FUBP1: variants seen among roughly 807,000 people sequenced by gnomAD.
The protein encoded by FUBP1 is far upstream element binding protein 1, also known as far upstream element-binding protein 1.
FUBP1 carries 16 observed loss-of-function variants against 94.9 expected under a neutral mutation model. The observed-to-expected ratio is 0.17, with a 90% CI of 0.11 to 0.26. The LOEUF (loss-of-function observed/expected upper bound fraction) is 0.26. Ranked by LOEUF, FUBP1 falls within the 10% of genes least tolerant of loss-of-function variation. FUBP1 has a pLI of 1.00. For synonymous variants in FUBP1, 279 were observed against 254.9 expected (o/e 1.09, Z -0.90); for missense variants, 583 against 808.6 (o/e 0.72, Z 3.38).
chr1:77,949,450 C>T (rs1652925717), intron 18 of FUBP1, 150 bp from the exon 19 acceptor site: 4 of 597,630 alleles, frequency 6.7e-6, no homozygotes, highest in Non-Finnish European at 1.2e-5. Flanking sequence ...AAAAAAACCC[C>T]TAAACTTTAA....
In FUBP1 at chr1:77,964,088, T is replaced by C. The variant is rs1295844086; in HGVS notation, c.1015A>G (p.Ile339Val). 1 of 1,596,312 alleles carries C rather than the reference T, an allele frequency of 6.3e-7. No homozygotes were observed. Among genetic ancestry groups the C allele is most frequent in the South Asian group, 1.1e-5 (1 of 90,712 alleles). ...TGAACACTTCGAAGAAGGTCTGTAA[T>C]AATTTCTGCAGCATGTTGACATCGG... ...PDRCQHAAEIITDLLRSVQAG... is the reference protein window; with the variant it reads ...PDRCQHAAEIVTDLLRSVQAG... Residue 339 changes from isoleucine to valine, a missense_variant, in exon 12 of 20, where the codon ATT becomes GTT. Physicochemically the swap from Ile to Val is conservative, Grantham distance 29. Coordinates refer to ENST00000370768, the MANE Select transcript of FUBP1 (RefSeq NM_003902.5).
chr1:77,955,798 A>C (rs569617234), intron 17 of FUBP1, among the ~76,000 whole-genome samples: 1 of 152,208 alleles, frequency 6.6e-6, no homozygotes, highest in African/African-American at 2.4e-5. Context: ...TGTTGAAAGA[A>C]GCTAGAAGCA....
chr1:77,947,399 A>G lies in FUBP1; in HGVS notation c.*1367T>C. On this transcript the variant is annotated 3_prime_UTR_variant, in exon 20 of 20. Transcript: ENST00000370768. ...GTATGGCATTTGCATTATGTGGAAC[A>G]TTGACAAAAAGATACTGTTGCAGTT... 1 of 543,632 alleles carries G rather than the reference A, an allele frequency of 1.8e-6. No individual in the cohort carries two copies. The highest frequency in any genetic ancestry group is 3.4e-6 in the Non-Finnish European group (1 of 290,918). 33.7% of individuals were successfully genotyped at this position (543,632 alleles called of 1,614,324 possible).
chr1:77,964,473 A>G (rs1656100286), intron 10 of FUBP1, 117 bp from the exon 11 acceptor site: 1 of 683,706 alleles, frequency 1.5e-6, no homozygotes, highest in South Asian at 1.9e-5. Flanking sequence ...AAAAGTACAT[A>G]TAATTCTATA....
At position 77,946,057 on chromosome 1, in the gene FUBP1, CTGAAT is replaced by C. The variant is rs907360697; in HGVS notation, c.*2704_*2708del. ...AAAATTCTAACCCATAATATCCTTA[CTGAAT>C]TATTATAGTTTAAGAATAAGAAAAA... is the stretch of plus-strand genomic sequence containing the variant. On this transcript the variant is annotated 3_prime_UTR_variant, in exon 20 of 20. Transcript: ENST00000370768. Among the ~76,000 whole-genome samples, 3 of 151,692 alleles carry C rather than the reference CTGAAT, an allele frequency of 2.0e-5. No homozygotes were observed. Among genetic ancestry groups the C allele is most frequent in the Non-Finnish European group, 4.4e-5 (3 of 67,838 alleles).
intron 16 of FUBP1, among the ~76,000 whole-genome samples, chr1:77,956,923 G>T (rs567046231): frequency 3.5e-4 from 54 of 152,194 alleles, no homozygotes; most frequent in African/African-American, 1.2e-3. Flanking sequence ...GACTTTCCTA[G>T]GTTAAAAACT....
chr1:77,970,196 C>T (rs1315501942), intron 1 of FUBP1, among the ~76,000 whole-genome samples, 181 bp from the exon 2 acceptor site: 2 of 152,088 alleles, frequency 1.3e-5, no homozygotes, highest in African/African-American at 4.8e-5. Context: ...AGGCAGTTAA[C>T]ATAATAATCA....
intron 4 of FUBP1, 31 bp downstream of exon 4, chr1:77,967,596 A>G (rs556593443): frequency 1.5e-4 from 236 of 1,551,436 alleles, no homozygotes; most frequent in Non-Finnish European, 2.0e-4. Flanking sequence ...CAAAACTTGC[A>G]GAGTACTTTT....
In FUBP1 at chr1:77,948,760, T is replaced by G. The variant is rs1262581722; in HGVS notation, c.*6A>C. On this transcript the variant is annotated 3_prime_UTR_variant, in exon 20 of 20. Coordinates refer to ENST00000370768, the MANE Select transcript of FUBP1 (RefSeq NM_003902.5). ...ATGAAGCAAATACTGTATTGTCCAC[T>G]TCTTATTATTGGCCCTGTGCAGAAG... The G allele has an allele frequency of 1.2e-6, 2 of 1,609,184 alleles. No individual in the cohort carries two copies. The highest frequency in any genetic ancestry group is 1.7e-5 in the Admixed American group (1 of 59,946).
chr1:77,960,548 A>C (rs558159699), intron 14 of FUBP1, 53 bp from the exon 15 acceptor site: 1 of 1,391,558 alleles, frequency 7.2e-7, no homozygotes, highest in African/African-American at 1.5e-5. Context: ...TAATGGTTAA[A>C]CAACTCTACG....
rs368796936 is a variant in FUBP1, at chr1:77,961,937, A to G, written c.1344+833T>C. On this transcript the variant is annotated intron_variant, in intron 14 of 19. Coordinates refer to ENST00000370768, the MANE Select transcript of FUBP1 (RefSeq NM_003902.5). Reference sequence around the variant, plus strand: ...AAGACGTTCCTTAAGCGTCTTTTGTACATCTATTTTTGTCTTCCCAAGTTG... The same window carrying G: ...AAGACGTTCCTTAAGCGTCTTTTGTGCATCTATTTTTGTCTTCCCAAGTTG... Among the ~76,000 whole-genome samples, 7 of 152,306 alleles carry G rather than the reference A, an allele frequency of 4.6e-5. No homozygotes were observed. The East Asian group carries it at 5.8e-4, about 13-fold the overall frequency.
At position 77,948,039 on chromosome 1, in the gene FUBP1, A is replaced by T; in HGVS notation, c.*727T>A. The T allele has an allele frequency of 9.7e-7, 1 of 1,033,906 alleles. No homozygotes were observed. Among genetic ancestry groups the T allele is most frequent in the Non-Finnish European group, 1.2e-6 (1 of 854,670 alleles). The allele number at this position is 1,033,906 out of a possible 1,614,324, so 64.0% of individuals were successfully genotyped here. A position where few individuals can be genotyped will look rare whatever the true frequency, so the allele number is the denominator to read the frequency against. ...GGAAATCAAGTATTATCAAATTAAG[A>T]ACAGAAAGGTTAACTGTTATAGCAG... On this transcript the variant is annotated 3_prime_UTR_variant, in exon 20 of 20. Coordinates refer to ENST00000370768, the MANE Select transcript of FUBP1 (RefSeq NM_003902.5).
At chr1:77,962,626 C>G (rs1655706879) in intron 14 of FUBP1, 144 bp downstream of exon 14, 1 of 464,194 alleles carries the variant, frequency 2.2e-6, no homozygotes, top group Non-Finnish European at 3.8e-6. Flanking sequence ...AAAATCTTCA[C>G]GTTGTATCTA....
intron 16 of FUBP1, among the ~76,000 whole-genome samples, chr1:77,959,725 G>C (rs1019867101): frequency 1.3e-5 from 2 of 152,108 alleles, no homozygotes; most frequent in Non-Finnish European, 2.9e-5. Context: ...TTAGAGATGG[G>C]TCTTGCCATA....
chr1:77,949,287 A>G lies in FUBP1; in HGVS notation c.1794T>C (p.Pro598=). 1 of 1,613,798 alleles carries G rather than the reference A, an allele frequency of 6.2e-7. No individual in the cohort carries two copies. Among genetic ancestry groups the G allele is most frequent in the Non-Finnish European group, 8.5e-7 (1 of 1,179,700 alleles). Residue 598 remains proline (P), a synonymous_variant, in exon 19 of 20, where the codon CCT becomes CCC. Transcript: ENST00000370768. ...EYYKKMGQAV[P]APTGAPPGGQ... is the part of the protein sequence containing the mutation. ...CACCTGGAGGAGCCCCAGTCGGAGC[A>G]GGAACTGCCTGACCTTTGAAAAAAA...
At chr1:77,978,273 T>C (rs113855291) in intron 1 of FUBP1, among the ~76,000 whole-genome samples, 3,698 of 152,262 alleles carry the variant, frequency 0.024, 50 homozygotes, top group Middle Eastern at 0.065. Context: ...CAGATTCAAA[T>C]TGAAACCTCT....
Position 77,959,635 on chromosome 1 carries a change from C to T in FUBP1, c.1576+549G>A, listed in dbSNP as rs569977317. 2.0e-5 allele frequency among the ~76,000 whole-genome samples: 3 copies of T among 152,218 alleles called. No individual in the cohort carries two copies. The East Asian group carries it at 5.8e-4, about 29-fold the overall frequency. On this transcript the variant is annotated intron_variant, in intron 16 of 19. Coordinates refer to ENST00000370768, the MANE Select transcript of FUBP1 (RefSeq NM_003902.5). Reference sequence around the variant, plus strand: ...CACAGCTCAATACAATCTAGAACTTCTAGGCTCAAGCAATCCTCCCACCTC... The same window carrying T: ...CACAGCTCAATACAATCTAGAACTTTTAGGCTCAAGCAATCCTCCCACCTC...
At chr1:77,958,771 A>G (rs1451463135) in intron 16 of FUBP1, among the ~76,000 whole-genome samples, 4 of 152,188 alleles carry the variant, frequency 2.6e-5, no homozygotes, top group African/African-American at 9.7e-5. Context: ...CAAAAATACA[A>G]TCCTGGCAGA....
At position 77,962,938 on chromosome 1, in the gene FUBP1, C is replaced by T; in HGVS notation, c.1184-8G>A. The T allele has an allele frequency of 6.2e-7, 1 of 1,605,392 alleles. No individual in the cohort carries two copies. The highest frequency in any genetic ancestry group is 2.2e-5 in the East Asian group (1 of 44,770). ...TTTTTATGGTTTCACCTCCTAAAAT[C>T]AAAAGACAGTAATTTCTCTAAAGGT... On this transcript the variant is annotated splice_polypyrimidine_tract_variant and splice_region_variant and intron_variant, in intron 13 of 19. Transcript: ENST00000370768.
Sources: allele counts gnomAD v4.1 joint callset (sites outside exome capture counted in the v4.1 genomes callset), GRCh38; gene constraint gnomAD v4.1.1; transcripts MANE v1.5; gene names NCBI Gene and HGNC (gene_info 2026-07-23, HGNC 2026-07-21).